PLS1: variants seen among roughly 807,000 people sequenced by gnomAD.
The protein encoded by PLS1 is plastin-1.
A neutral mutation model predicts 73.7 loss-of-function variants in PLS1; 32 were observed. The ratio of observed to expected loss-of-function variants is 0.43; its 90% CI spans 0.33 to 0.58. PLS1 has a LOEUF of 0.58. Ranked by LOEUF, PLS1 falls within the 20% of genes least tolerant of loss-of-function variation. The pLI, the probability that PLS1 is intolerant of heterozygous loss-of-function variation, is 0.04. For missense variants in PLS1, 633 were observed against 740.5 expected, an observed-to-expected ratio of 0.85 and a Z score of 1.68; for synonymous variants, 217 against 261.3, an observed-to-expected ratio of 0.83 and a Z score of 1.63.
intron 9 of PLS1, among the ~76,000 whole-genome samples, chr3:142,687,222 T>TAAA (rs200366859): frequency 0.023 from 2,958 of 129,684 alleles, 113 homozygotes; most frequent in African/African-American, 0.078. Flanking sequence ...GCTGATGAGC[T>TAAA]AAAAAAAAAA....
chr3:142,648,829 A>G (rs1425157966), intron 1 of PLS1, among the ~76,000 whole-genome samples: 2 of 152,176 alleles, frequency 1.3e-5, no homozygotes, highest in African/African-American at 4.8e-5. Context: ...GCACATTATC[A>G]TGCCACACAG....
intron 1 of PLS1, among the ~76,000 whole-genome samples, chr3:142,636,975 T>C (rs1299890463): frequency 6.6e-6 from 1 of 152,172 alleles, no homozygotes; most frequent in Non-Finnish European, 1.5e-5. Context: ...GACTGCAAAA[T>C]GGTATAATTA....
chr3:142,655,741 A>G (rs79571272), intron 1 of PLS1, among the ~76,000 whole-genome samples: 2 of 150,184 alleles, frequency 1.3e-5, no homozygotes, highest in Non-Finnish European at 2.9e-5. Flanking sequence ...AAAAAAAAAA[A>G]AGATCACAAA....
chr3:142,701,278 A>C (rs2038326910), intron 12 of PLS1, among the ~76,000 whole-genome samples: 1 of 152,142 alleles, frequency 6.6e-6, no homozygotes, highest in Admixed American at 6.5e-5. Flanking sequence ...ATCTGTTTTT[A>C]GTGTTTTAAT....
At chr3:142,635,005 C>G (rs776167699) in intron 1 of PLS1, among the ~76,000 whole-genome samples, 1 of 151,544 alleles carries the variant, frequency 6.6e-6, no homozygotes, top group Non-Finnish European at 1.5e-5. Flanking sequence ...ACTGTAGCCT[C>G]TGAACTCCTG....
At chr3:142,646,199 G>A (rs149499295) in intron 1 of PLS1, among the ~76,000 whole-genome samples, 16 of 152,264 alleles carry the variant, frequency 1.1e-4, no homozygotes, top group African/African-American at 3.9e-4. Flanking sequence ...ACAGTGCTTG[G>A]CCTATAGTGA....
At position 142,617,168 on chromosome 3, in the gene PLS1, G is replaced by A. The variant is rs1321669340; in HGVS notation, c.-37+20659G>A. On this transcript the variant is annotated intron_variant, in intron 1 of 15. Transcript: ENST00000457734. ...AAGATTTTTTTTTTTTTTTGCTTTA[G>A]CCAACCTTTTTAGAGGTTTGGAATA... 4.2e-5 allele frequency among the ~76,000 whole-genome samples: 6 copies of A among 144,250 alleles called. No homozygotes were observed. In the East Asian group the frequency reaches 1.2e-3, roughly 29 times the overall value. The allele number at this position is 144,250 out of a possible 152,430, so 94.6% of individuals were successfully genotyped here.
intron 9 of PLS1, among the ~76,000 whole-genome samples, chr3:142,686,775 C>G (rs1334569386): frequency 2.6e-5 from 4 of 152,212 alleles, no homozygotes; most frequent in Admixed American, 2.0e-4. Flanking sequence ...GCCTCCATGT[C>G]AAGCCAACTG....
At chr3:142,611,617 G>T (rs757801345) in intron 1 of PLS1, among the ~76,000 whole-genome samples, 4 of 151,906 alleles carry the variant, frequency 2.6e-5, no homozygotes, top group Non-Finnish European at 5.9e-5. Context: ...GCAATACCTT[G>T]TCTCCCCAAA....
At chr3:142,628,954 C>T (rs1577797944) in intron 1 of PLS1, among the ~76,000 whole-genome samples, 1 of 152,210 alleles carries the variant, frequency 6.6e-6, no homozygotes. Flanking sequence ...ACGAAATTCT[C>T]TTATGGCAGG....
At chr3:142,652,522 C>T (rs939525953) in intron 1 of PLS1, among the ~76,000 whole-genome samples, 4 of 152,168 alleles carry the variant, frequency 2.6e-5, no homozygotes, top group African/African-American at 9.7e-5. Context: ...CCTGTGTCCT[C>T]GGAGGCATGG....
chr3:142,671,187 C>A (rs1280926774), intron 4 of PLS1, 65 bp downstream of exon 4: 7 of 1,400,666 alleles, frequency 5.0e-6, no homozygotes, highest in Non-Finnish European at 7.1e-6. Flanking sequence ...CATATTTAAT[C>A]AGTTCTAAGA....
chr3:142,687,951 G>GTT (rs35592296), intron 9 of PLS1, among the ~76,000 whole-genome samples: 57 of 137,464 alleles, frequency 4.1e-4, no homozygotes, highest in South Asian at 1.6e-3. Context: ...TTATTTGTTT[G>GTT]TTTTTTTTTT....
chr3:142,661,244 T>C (rs2037363822), intron 1 of PLS1, among the ~76,000 whole-genome samples: 2 of 152,184 alleles, frequency 1.3e-5, no homozygotes, highest in South Asian at 4.1e-4. Flanking sequence ...AAGGTGAGAA[T>C]CCAATGAAAT....
chr3:142,613,210 G>T (rs2036155215), intron 1 of PLS1, among the ~76,000 whole-genome samples: 1 of 151,974 alleles, frequency 6.6e-6, no homozygotes. Context: ...GGGCGCCGTG[G>T]TTCACGCCTG....
intron 1 of PLS1, among the ~76,000 whole-genome samples, chr3:142,648,474 G>T (rs1411795995): frequency 1.3e-5 from 2 of 152,134 alleles, no homozygotes; most frequent in Non-Finnish European, 1.5e-5. Flanking sequence ...AGTTGCGGGA[G>T]GCATCAGTTT....
chr3:142,627,532 G>T (rs1246588103), intron 1 of PLS1, among the ~76,000 whole-genome samples: 1 of 151,836 alleles, frequency 6.6e-6, no homozygotes, highest in Admixed American at 6.6e-5. Context: ...TCTGCTATCT[G>T]TTTTTTTTCT....
At chr3:142,606,984 A>G (rs966880864) in intron 1 of PLS1, among the ~76,000 whole-genome samples, 3 of 152,142 alleles carry the variant, frequency 2.0e-5, no homozygotes, top group African/African-American at 7.2e-5. Context: ...GGGTCATATC[A>G]CTTAGCATTT....
At chr3:142,687,956 T>G (rs1213579061) in intron 9 of PLS1, among the ~76,000 whole-genome samples, 7 of 151,692 alleles carry the variant, frequency 4.6e-5, no homozygotes, top group Admixed American at 4.6e-4. Flanking sequence ...TGTTTGTTTT[T>G]TTTTTTTTTT....
Sources: gnomAD v4.1 joint callset for allele counts (sites outside exome capture counted in the v4.1 genomes callset) on GRCh38, gnomAD v4.1.1 for gene constraint, MANE v1.5 for transcripts, NCBI Gene and HGNC (gene_info 2026-07-23, HGNC 2026-07-21) for gene names.